The following UBE2J2 variants were observed in gnomAD, a reference collection of about 807,000 sequenced individuals.
The protein encoded by UBE2J2 is ubiquitin conjugating enzyme E2 J2.
A neutral mutation model predicts 28.6 loss-of-function variants in UBE2J2; 5 were observed. That is an observed-to-expected ratio of 0.17 (90% CI 0.09 to 0.37). UBE2J2 has a LOEUF of 0.37. Among genes scored for constraint, UBE2J2 ranks in the 10% least tolerant of loss-of-function variants. The pLI is 1.00. For missense variants in UBE2J2, 226 were observed against 338.9 expected, an observed-to-expected ratio of 0.67 and a Z score of 2.62; for synonymous variants, 138 against 139.7, an observed-to-expected ratio of 0.99 and a Z score of 0.09.
Position 1,268,102 on chromosome 1 carries a change from G to C in UBE2J2, c.1-110C>G, listed in dbSNP as rs913133184. On this transcript the variant is annotated intron_variant, in intron 1 of 6. Coordinates refer to ENST00000349431, the MANE Select transcript of UBE2J2 (RefSeq NM_058167.3). This position sits in a 1 kb window ranked among gnomAD's most constrained non-coding sequence, Gnocchi z 4.7. ...GCAGCCCGCCATTCATTCAGGGCCC[G>C]GTCACCCAGAGTCACAGCTCACAGG... The C allele has an allele frequency of 6.9e-7, 1 of 1,456,496 alleles. No homozygotes were observed. The highest frequency in any genetic ancestry group is 9.4e-7 in the Non-Finnish European group (1 of 1,061,350). 90.2% of individuals were successfully genotyped at this position (1,456,496 alleles called of 1,614,324 possible). A position where few individuals can be genotyped will look rare whatever the true frequency, so the allele number is the denominator to read the frequency against.
Position 1,268,383 on chromosome 1 carries a change from G to A in UBE2J2, c.1-391C>T, listed in dbSNP as rs773852503. On this transcript the variant is annotated intron_variant, in intron 1 of 6. Transcript: ENST00000349431. The surrounding 1 kb of genome is among the most constrained non-coding windows in gnomAD (Gnocchi z 4.7). The stretch of plus-strand genomic sequence containing the variant: ...CCTTCCAACTCAGCTCAAGGACCCC[G>A]CACTGATGGAGAATCCACACCATAG... Among the ~76,000 whole-genome samples the A allele has an allele frequency of 6.6e-6, 1 of 152,108 alleles. No individual in the cohort carries two copies. Among genetic ancestry groups the A allele is most frequent in the Non-Finnish European group, 1.5e-5 (1 of 68,030 alleles).
intron 1 of UBE2J2, chr1:1,271,414 T>C (rs1640135902): frequency 6.6e-6 from 1 of 152,256 alleles, no homozygotes; most frequent in Admixed American, 6.5e-5. Flanking sequence ...CTTAGCTAAG[T>C]GGCCAGGCCG....
intron 5 of UBE2J2, chr1:1,256,390 G>A (rs939143489): frequency 7.5e-6 from 3 of 400,248 alleles, no homozygotes; most frequent in African/African-American, 6.2e-5. Context: ...GACAAGGCCC[G>A]GGCCGTCTGT....
At chr1:1,273,190 C>A (rs1640251567) in intron 1 of UBE2J2, 1 of 152,190 alleles carries the variant, frequency 6.6e-6, no homozygotes, top group South Asian at 2.1e-4. Flanking sequence ...ACTCGCCGGC[C>A]GGCGGTGGTC....
In UBE2J2 at chr1:1,268,413, G is replaced by A. The variant is rs1369566339; in HGVS notation, c.1-421C>T. ...GATGGAGAATCCACACCATAGAAGT[G>A]GGCAGGCACCACCGCCGGCCCCTTC... On this transcript the variant is annotated intron_variant, in intron 1 of 6. Transcript: ENST00000349431. This position sits in a 1 kb window ranked among gnomAD's most constrained non-coding sequence, Gnocchi z 4.7. Among the ~76,000 whole-genome samples the A allele has an allele frequency of 6.6e-6, 1 of 152,018 alleles. No homozygotes were observed. Among genetic ancestry groups the A allele is most frequent in the African/African-American group, 2.4e-5 (1 of 41,376 alleles).
intron 2 of UBE2J2, chr1:1,263,617 T>C (rs1639683916): frequency 2.2e-6 from 1 of 452,192 alleles, no homozygotes; most frequent in East Asian, 3.4e-5. Context: ...ACTTTATAAG[T>C]TTACCATAAA....
In UBE2J2 at chr1:1,254,202, A is replaced by G. The variant is rs966484165; in HGVS notation, c.*1001T>C. 6.6e-6 allele frequency: 1 copy of G among 152,172 alleles called. No individual in the cohort carries two copies. The highest frequency in any genetic ancestry group is 1.5e-5 in the Non-Finnish European group (1 of 68,040). 9.4% of individuals were successfully genotyped at this position (152,172 alleles called of 1,614,324 possible). ...GAGACCCGGGGAGCCACGCGGCCCG[A>G]AACAGCCCCTGCTGGCTCTGGCGTC... On this transcript the variant is annotated 3_prime_UTR_variant, in exon 7 of 7. Coordinates refer to ENST00000349431, the MANE Select transcript of UBE2J2 (RefSeq NM_058167.3).
rs987308246 is a variant in UBE2J2 at position 1,265,471 on chromosome 1, C to G, written c.132-2085G>C. Among the ~76,000 whole-genome samples, 4 of 152,320 alleles carry G rather than the reference C, an allele frequency of 2.6e-5. No individual in the cohort carries two copies. The South Asian group carries it at 8.3e-4, about 32-fold the overall frequency. On this transcript the variant is annotated intron_variant, in intron 2 of 6. Transcript: ENST00000349431. ...ATGAGTTTCTCTGCTCAACATTCCA[C>G]ACATGCCGTCCAAACCCAAGCCTGC...
chr1:1,268,992 G>A lies in UBE2J2; in HGVS notation c.1-1000C>T, dbSNP rs370040199. 1.8e-4 allele frequency among the ~76,000 whole-genome samples: 27 copies of A among 152,310 alleles called. No homozygotes were observed. The South Asian group carries it at 4.8e-3, about 27-fold the overall frequency. On this transcript the variant is annotated intron_variant, in intron 1 of 6. Coordinates refer to ENST00000349431, the MANE Select transcript of UBE2J2 (RefSeq NM_058167.3). This position sits in a 1 kb window ranked among gnomAD's most constrained non-coding sequence, Gnocchi z 4.7. ...GTAACCCGGGCCCCACAGGGGTTTGGGGTCCAAGCCTCAAGGCAGATCATA... is the reference window on the plus strand; with the variant it reads ...GTAACCCGGGCCCCACAGGGGTTTGAGGTCCAAGCCTCAAGGCAGATCATA...
chr1:1,257,529 C>G (rs1294809239), intron 3 of UBE2J2, among the ~76,000 whole-genome samples: 1 of 150,946 alleles, frequency 6.6e-6, no homozygotes, highest in Non-Finnish European at 1.5e-5. Flanking sequence ...CCCAATGCCC[C>G]TCCCCACCCC....
At chr1:1,258,647 G>A (rs953599935) in intron 3 of UBE2J2, among the ~76,000 whole-genome samples, 7 of 152,208 alleles carry the variant, frequency 4.6e-5, no homozygotes, top group Admixed American at 4.6e-4. Flanking sequence ...CCACAGCACA[G>A]CGCCCAGACG....
rs149905664 is a variant in UBE2J2 at position 1,272,646 on chromosome 1, C to T, written c.-1+1020G>A. 9.6e-3 allele frequency among the ~76,000 whole-genome samples: 1,461 copies of T among 152,202 alleles called. 9 individuals are homozygous for T. Among genetic ancestry groups the T allele is most frequent in the Non-Finnish European group, 0.017 (1,135 of 68,004 alleles). On this transcript the variant is annotated intron_variant, in intron 1 of 6. Coordinates refer to ENST00000349431, the MANE Select transcript of UBE2J2 (RefSeq NM_058167.3). Reference sequence around the variant, plus strand: ...CACCTGCCTGTCACTCATCCACGCACCTACCTGCCTGGCTCACCTGCCTGT... The same window carrying T: ...CACCTGCCTGTCACTCATCCACGCATCTACCTGCCTGGCTCACCTGCCTGT...
intron 3 of UBE2J2, among the ~76,000 whole-genome samples, chr1:1,259,160 GTC>G (rs1442994175): frequency 6.6e-6 from 1 of 151,762 alleles, no homozygotes; most frequent in Admixed American, 6.5e-5. Flanking sequence ...GTGTGTGCGT[GTC>G]TGAGTGTGTG....
rs1181244496 is a variant in UBE2J2, at chr1:1,255,331, C to A, written c.652G>T (p.Gly218Trp). Residue 218 changes from glycine (G) to tryptophan (W), a missense_variant, in exon 7 of 7, where the codon GGG becomes TGG. Around this residue, in one of 3 missense-constraint regions of UBE2J2, gnomAD observed 133 missense variants for 161.5 expected, o/e 0.82. Transcript: ENST00000349431. ...TGGTGCCGGTTGGCCTGCTGGAGCC[C>A]TGCGAGGTTTGGGACGGCCCCCGGC... ...HAPGAVPNLA[G>W]LQQANRHHGL... The A allele has an allele frequency of 6.2e-7, 1 of 1,613,652 alleles. No homozygotes were observed. The highest frequency in any genetic ancestry group is 8.5e-7 in the Non-Finnish European group (1 of 1,180,036).
At chr1:1,255,554 T>C in intron 6 of UBE2J2, 67 bp from the exon 7 acceptor site, 1 of 1,517,994 alleles carries the variant, frequency 6.6e-7, no homozygotes, top group Non-Finnish European at 8.9e-7. Flanking sequence ...AGCACTCCCG[T>C]TCTCAGGAGT....
rs41307035 is a variant in UBE2J2, at chr1:1,254,681, A to G, written c.*522T>C. The G allele has an allele frequency of 0.13, 20,364 of 153,826 alleles. 2,606 individuals carry two copies. Among genetic ancestry groups the G allele is most frequent in the African/African-American group, 0.34 (14,076 of 41,538 alleles). The allele number at this position is 153,826 out of a possible 1,614,324, so 9.5% of individuals were successfully genotyped here. On this transcript the variant is annotated 3_prime_UTR_variant, in exon 7 of 7. Coordinates refer to ENST00000349431, the MANE Select transcript of UBE2J2 (RefSeq NM_058167.3). ...TTGTAAATGCTGAGACCAAACCCCG[A>G]CTTATGGATCCTGAGCCACGGCCGT...
At chr1:1,258,047 G>T (rs1384305167) in intron 3 of UBE2J2, among the ~76,000 whole-genome samples, 1 of 147,534 alleles carries the variant, frequency 6.8e-6, no homozygotes, top group Non-Finnish European at 1.5e-5. Flanking sequence ...GTTTTGTTTT[G>T]TTTTTTTTTT....
chr1:1,267,196 CTTTA>C (rs1447942945), intron 2 of UBE2J2, among the ~76,000 whole-genome samples: 1 of 152,110 alleles, frequency 6.6e-6, no homozygotes, highest in Admixed American at 6.5e-5. Context: ...GCCTCTCACA[CTTTA>C]TTTCTTACCA....
chr1:1,263,831 T>A (rs1345718125), intron 2 of UBE2J2, among the ~76,000 whole-genome samples: 1 of 147,084 alleles, frequency 6.8e-6, no homozygotes, highest in African/African-American at 2.5e-5. Context: ...CACCTTTATT[T>A]AAAAAAAAAA....
Sources: allele counts gnomAD v4.1 joint callset (sites outside exome capture counted in the v4.1 genomes callset), GRCh38; gene constraint gnomAD v4.1.1; regional missense constraint gnomAD v4.1.1; non-coding constraint Gnocchi (gnomAD v3.1); transcripts MANE v1.5; gene names NCBI Gene and HGNC (gene_info 2026-07-23, HGNC 2026-07-21).